Variants in SLC17A3 observed in about 807,000 individuals in gnomAD.
The protein encoded by SLC17A3 is sodium-dependent phosphate transport protein 4.
A neutral mutation model predicts 60.3 loss-of-function variants in SLC17A3; 61 were observed. The observed-to-expected ratio is 1.01, with a 90% confidence interval of 0.82 to 1.25. The LOEUF (loss-of-function observed/expected upper bound fraction) is 1.25, where lower values mean the gene tolerates loss of function less well. Ranked by LOEUF, SLC17A3 falls within the 50% of genes most tolerant of loss-of-function variation. The probability of loss-of-function intolerance (pLI) is 0.00; values close to 1 mark genes in which losing one functional copy is unlikely to be tolerated. For synonymous variants in SLC17A3, 192 were observed against 208.9 expected, an observed-to-expected ratio of 0.92 and a Z score of 0.70; for missense variants, 624 against 594.9, an observed-to-expected ratio of 1.05 and a Z score of -0.51.
rs1331180916 is a variant in SLC17A3, at chr6:25,861,916, T to C, written c.417A>G (p.Thr139=). Residue 139 remains threonine (T), a synonymous_variant, in exon 4 of 13, where the codon ACA becomes ACG. Coordinates refer to ENST00000397060, the MANE Select transcript of SLC17A3 (RefSeq NM_001098486.2). ...PSGYLAGRVG[T]KRVVGISLFA... is the part of the protein sequence containing the mutation. ...ACAAAGAAATGCCAACCACTCGCTT[T>C]GTTCCTACTCTTCCAGCCAGGTATC... 6.2e-7 allele frequency: 1 copy of C among 1,612,842 alleles called. No homozygotes were observed. The highest frequency in any genetic ancestry group is 8.5e-7 in the Non-Finnish European group (1 of 1,179,470).
chr6:25,869,960 C>A (rs577544573), intron 1 of SLC17A3, among the ~76,000 whole-genome samples: 1 of 151,976 alleles, frequency 6.6e-6, no homozygotes, highest in Non-Finnish European at 1.5e-5. Context: ...CTTCTAATTA[C>A]TGAGTAATAT....
In SLC17A3 at chr6:25,849,904, G is replaced by T. The variant is rs1765242686; in HGVS notation, c.1172C>A (p.Ser391Tyr). Residue 391 changes from serine (S) to tyrosine (Y), a missense_variant, in exon 10 of 13, where the codon TCC becomes TAC. Ser to Tyr is a moderately radical substitution (Grantham distance 144). Coordinates refer to ENST00000397060, the MANE Select transcript of SLC17A3 (RefSeq NM_001098486.2). ...ALIVSLPYLN[S>Y]GYITATALLT... Reference sequence around the variant, plus strand: ...CAAGGCAGTTGCTGTGATATAGCCGGAATTGAGGTAAGGCAGAGACACAAT... The same window carrying T: ...CAAGGCAGTTGCTGTGATATAGCCGTAATTGAGGTAAGGCAGAGACACAAT... The T allele has an allele frequency of 6.2e-7, 1 of 1,613,912 alleles. No individual in the cohort carries two copies. Among genetic ancestry groups the T allele is most frequent in the South Asian group, 1.1e-5 (1 of 91,088 alleles).
chr6:25,864,265 T>C (rs1427220492), intron 2 of SLC17A3, among the ~76,000 whole-genome samples: 2 of 151,954 alleles, frequency 1.3e-5, no homozygotes, highest in Non-Finnish European at 2.9e-5. Flanking sequence ...CCATTGCAGG[T>C]ACTTTGGCTT....
chr6:25,848,924 T>C (rs935337630), intron 11 of SLC17A3, among the ~76,000 whole-genome samples: 2 of 152,124 alleles, frequency 1.3e-5, no homozygotes, highest in Non-Finnish European at 2.9e-5. Context: ...CATCAAAAAG[T>C]GGGCTAAGGA....
chr6:25,866,122 A>C (rs556827950), intron 2 of SLC17A3, among the ~76,000 whole-genome samples: 3 of 151,886 alleles, frequency 2.0e-5, no homozygotes, highest in Non-Finnish European at 4.4e-5. Flanking sequence ...CTTGTATCCA[A>C]CAGAATACGG....
intron 2 of SLC17A3, among the ~76,000 whole-genome samples, chr6:25,863,604 T>G (rs1192147824): frequency 6.6e-6 from 1 of 152,036 alleles, no homozygotes; most frequent in Non-Finnish European, 1.5e-5. Context: ...GAAAAGGGAC[T>G]TCAATCGATG....
chr6:25,873,843 T>C (rs1765683966), intron 1 of SLC17A3, among the ~76,000 whole-genome samples: 1 of 152,126 alleles, frequency 6.6e-6, no homozygotes, highest in Admixed American at 6.6e-5. Flanking sequence ...AAAGAGATGA[T>C]ATTTGTTCAG....
chr6:25,856,786 G>A (rs1765363422), intron 5 of SLC17A3, among the ~76,000 whole-genome samples: 1 of 150,996 alleles, frequency 6.6e-6, no homozygotes, highest in African/African-American at 2.4e-5. Flanking sequence ...GGCGGAGGTT[G>A]CAGTGAGCCG....
chr6:25,864,273 CT>C (rs1469362180), intron 2 of SLC17A3, among the ~76,000 whole-genome samples: 1 of 151,824 alleles, frequency 6.6e-6, no homozygotes, highest in East Asian at 1.9e-4. Context: ...GGTACTTTGG[CT>C]TTTACTTTGA....
chr6:25,850,357 T>C, intron 8 of SLC17A3, 102 bp downstream of exon 8: 6 of 1,397,650 alleles, frequency 4.3e-6, no homozygotes, highest in Non-Finnish European at 6.1e-6. Flanking sequence ...TAGATTATTT[T>C]TGGTAATAAG....
intron 2 of SLC17A3, among the ~76,000 whole-genome samples, chr6:25,866,863 AAT>A (rs1765543879): frequency 6.6e-6 from 1 of 151,996 alleles, no homozygotes; most frequent in South Asian, 2.1e-4. Flanking sequence ...ATAAGTGGAA[AAT>A]ACTATTGGTG....
chr6:25,847,910 C>A (rs561964604), intron 11 of SLC17A3, among the ~76,000 whole-genome samples: 1 of 152,144 alleles, frequency 6.6e-6, no homozygotes, highest in East Asian at 1.9e-4. Flanking sequence ...CACACCTTCC[C>A]CCTGAGTCCT....
At position 25,849,793 on chromosome 6, in the gene SLC17A3, TC is replaced by T. The variant is rs1765239611; in HGVS notation, c.1271+11del. ...GAAAATGTGAAACTGATAGTGGAGA[TC>T]AGAGTCCTACCTTGGAGCAATATCT... On this transcript the variant is annotated intron_variant, in intron 10 of 12. Coordinates refer to ENST00000397060, the MANE Select transcript of SLC17A3 (RefSeq NM_001098486.2). 1 of 1,612,754 alleles carries T rather than the reference TC, an allele frequency of 6.2e-7. No homozygotes were observed. The highest frequency in any genetic ancestry group is 1.3e-5 in the African/African-American group (1 of 74,892).
intron 11 of SLC17A3, 147 bp from the exon 12 acceptor site, chr6:25,845,663 G>T (rs1765163371): frequency 1.1e-6 from 1 of 880,428 alleles, no homozygotes; most frequent in Non-Finnish European, 1.8e-6. Context: ...AAATGCAAAG[G>T]ATTTCAAAAT....
intron 2 of SLC17A3, among the ~76,000 whole-genome samples, chr6:25,866,015 A>T (rs68194335): frequency 0.057 from 8,675 of 152,094 alleles, 303 homozygotes; most frequent in Non-Finnish European, 0.083. Flanking sequence ...TTGATGTGAC[A>T]GACAGACCTT....
chr6:25,846,577 A>G (rs1394252444), intron 11 of SLC17A3, among the ~76,000 whole-genome samples: 1 of 152,200 alleles, frequency 6.6e-6, no homozygotes, highest in African/African-American at 2.4e-5. Context: ...AAAGGAGCAC[A>G]AAAGAACCAT....
intron 5 of SLC17A3, among the ~76,000 whole-genome samples, chr6:25,858,162 C>T (rs920089867): frequency 6.6e-6 from 1 of 150,854 alleles, no homozygotes; most frequent in Non-Finnish European, 1.5e-5. Context: ...AATATAGCTT[C>T]CTGTGGCTCA....
At chr6:25,866,108 C>T (rs1765531047) in intron 2 of SLC17A3, among the ~76,000 whole-genome samples, 1 of 151,974 alleles carries the variant, frequency 6.6e-6, no homozygotes, top group East Asian at 1.9e-4. Flanking sequence ...GGACCTTTCA[C>T]TTGCTTGTAT....
At chr6:25,851,701 T>A (rs1351979563) in intron 6 of SLC17A3, among the ~76,000 whole-genome samples, 2 of 152,178 alleles carry the variant, frequency 1.3e-5, no homozygotes, top group Non-Finnish European at 2.9e-5. Context: ...TTACTTTATA[T>A]GAAGTAAATA....
Sources: gnomAD v4.1 joint callset for allele counts (sites outside exome capture counted in the v4.1 genomes callset) on GRCh38, gnomAD v4.1.1 for gene constraint, MANE v1.5 for transcripts, NCBI Gene and HGNC (gene_info 2026-07-23, HGNC 2026-07-21) for gene names.